The following CLTCL1 variants were observed in gnomAD, a reference collection of about 807,000 sequenced individuals.
The protein encoded by CLTCL1 is clathrin heavy chain 2.
A neutral mutation model predicts 190.0 loss-of-function variants in CLTCL1; 159 were observed. That is an observed-to-expected ratio of 0.84 (90% CI 0.74 to 0.95). CLTCL1 has a LOEUF of 0.95. Ranked by LOEUF, CLTCL1 falls within the 40% of genes least tolerant of loss-of-function variation. The pLI, the probability that CLTCL1 is intolerant of heterozygous loss-of-function variation, is 0.00. For synonymous variants in CLTCL1, 752 were observed against 769.6 expected, an observed-to-expected ratio of 0.98 and a Z score of 0.38; for missense variants, 1,878 against 2,033.4, an observed-to-expected ratio of 0.92 and a Z score of 1.47.
At chr22:19,196,688 G>A (rs947361135) in intron 24 of CLTCL1, 32 bp from the exon 25 acceptor site, 29 of 1,592,098 alleles carry the variant, frequency 1.8e-5, no homozygotes, top group Non-Finnish European at 2.5e-5. Context: ...GTGGGGCAGA[G>A]TGATTGCATG....
At chr22:19,201,688 C>T (rs1057104337) in intron 22 of CLTCL1, among the ~76,000 whole-genome samples, 195 bp from the exon 23 acceptor site, 3 of 152,084 alleles carry the variant, frequency 2.0e-5, no homozygotes, top group Non-Finnish European at 2.9e-5. Flanking sequence ...CCTCAGGGGG[C>T]GCTTCTACCT....
intron 3 of CLTCL1, among the ~76,000 whole-genome samples, chr22:19,252,922 G>A (rs1220129349): frequency 6.6e-6 from 1 of 151,080 alleles, no homozygotes; most frequent in Non-Finnish European, 1.5e-5. Context: ...GCTGAGGCAG[G>A]AGAATGGCAT....
At chr22:19,184,514 C>T (rs782262055) in intron 29 of CLTCL1, 111 of 455,988 alleles carry the variant, frequency 2.4e-4, no homozygotes, top group Admixed American at 4.9e-4. Context: ...TCATCGATCG[C>T]TGCCTCCTGA....
chr22:19,188,102 G>A lies in CLTCL1; in HGVS notation c.4324-11C>T. 1 of 1,613,532 alleles carries A rather than the reference G, an allele frequency of 6.2e-7. No homozygotes were observed. The highest frequency in any genetic ancestry group is 8.5e-7 in the Non-Finnish European group (1 of 1,179,466). On this transcript the variant is annotated splice_polypyrimidine_tract_variant and intron_variant, in intron 27 of 32. Transcript: ENST00000427926. ...GGGCAGCTGACCTGCCTGACAAGTT[G>A]AGGGAACCGTCAAGGCACTTGGCCA...
At chr22:19,229,811 C>T in intron 11 of CLTCL1, 27 bp downstream of exon 11, 1 of 1,577,104 alleles carries the variant, frequency 6.3e-7, no homozygotes. Context: ...TGCTCTGCCT[C>T]TCGGTGTTAG....
intron 2 of CLTCL1, among the ~76,000 whole-genome samples, chr22:19,254,443 G>C (rs548010573): frequency 2.6e-5 from 4 of 152,166 alleles, no homozygotes; most frequent in Non-Finnish European, 1.5e-5. Flanking sequence ...TTCTTCAGAG[G>C]AATGTAAAAG....
chr22:19,183,540 C>T lies in CLTCL1; in HGVS notation c.4677G>A (p.Glu1559=). 1 of 1,613,818 alleles carries T rather than the reference C, an allele frequency of 6.2e-7. No individual in the cohort carries two copies. Among genetic ancestry groups the T allele is most frequent in the East Asian group, 2.2e-5 (1 of 44,882 alleles). ...CTGCGAAGCACTCCCTCTTGCCTTC[C>T]TCCAGGAACCACTGCAGCAACTTCT... The part of the protein sequence containing the change: ...LAQKLLQWFL[E]EGKRECFAAC... The change falls in exon 30 of 33, where the codon GAG becomes GAA. Residue 1559 remains glutamate (E), a synonymous_variant. Transcript: ENST00000427926.
chr22:19,203,166 T>C (rs1461085469), intron 22 of CLTCL1, among the ~76,000 whole-genome samples: 1 of 151,854 alleles, frequency 6.6e-6, no homozygotes, highest in African/African-American at 2.4e-5. Flanking sequence ...AATAGAAAAA[T>C]TAGCTGAGCG....
At chr22:19,194,319 T>C (rs1046495819) in intron 26 of CLTCL1, among the ~76,000 whole-genome samples, 1 of 151,858 alleles carries the variant, frequency 6.6e-6, no homozygotes, top group Non-Finnish European at 1.5e-5. Flanking sequence ...CTGTATCTAT[T>C]AAAAATACAA....
chr22:19,234,295 T>C (rs1246314392), intron 7 of CLTCL1, among the ~76,000 whole-genome samples: 3 of 152,160 alleles, frequency 2.0e-5, no homozygotes, highest in African/African-American at 7.2e-5. Flanking sequence ...GCACACAAAG[T>C]GGGAGGCGTG....
At chr22:19,218,343 A>G (rs1601552994) in intron 18 of CLTCL1, among the ~76,000 whole-genome samples, 1 of 152,232 alleles carries the variant, frequency 6.6e-6, no homozygotes. Flanking sequence ...GTGTTGTTTA[A>G]TATTTTTATT....
At chr22:19,191,565 G>T in intron 26 of CLTCL1, 130 bp from the exon 27 acceptor site, 1 of 1,077,960 alleles carries the variant, frequency 9.3e-7, no homozygotes, top group Non-Finnish European at 1.3e-6. Flanking sequence ...AGACTCAATG[G>T]CCTGTGAAGG....
At chr22:19,271,400 A>G (rs1479389208) in intron 2 of CLTCL1, among the ~76,000 whole-genome samples, 1 of 151,766 alleles carries the variant, frequency 6.6e-6, no homozygotes, top group Non-Finnish European at 1.5e-5. Context: ...GTGTGTGGCT[A>G]CTCTGGACAC....
intron 3 of CLTCL1, among the ~76,000 whole-genome samples, chr22:19,248,451 A>C (rs1301317995): frequency 6.6e-6 from 1 of 152,156 alleles, no homozygotes; most frequent in Non-Finnish European, 1.5e-5. Context: ...CATACCATCC[A>C]ATGTTTCTTC....
intron 20 of CLTCL1, chr22:19,209,455 A>G: frequency 5.1e-6 from 1 of 196,330 alleles, no homozygotes; most frequent in Non-Finnish European, 1.0e-5. Context: ...ACTGTAAAAG[A>G]GTTCACAAGA....
chr22:19,221,823 C>T, intron 16 of CLTCL1, 128 bp downstream of exon 16: 1 of 1,086,224 alleles, frequency 9.2e-7, no homozygotes, highest in Non-Finnish European at 1.3e-6. Flanking sequence ...TAGCAAGTAA[C>T]TCATTGCTAC....
At chr22:19,183,651 C>A in intron 29 of CLTCL1, 40 bp from the exon 30 acceptor site, 4 of 1,602,818 alleles carry the variant, frequency 2.5e-6, no homozygotes, top group Non-Finnish European at 3.4e-6. Flanking sequence ...ATCCTGCAGG[C>A]AGAGGCTTTG....
At chr22:19,269,382 C>A (rs2793055) in intron 2 of CLTCL1, among the ~76,000 whole-genome samples, 2 of 151,814 alleles carry the variant, frequency 1.3e-5, no homozygotes, top group African/African-American at 2.4e-5. Context: ...CCTGGATGGG[C>A]GATAGAGTGA....
At chr22:19,194,592 C>A (rs1334888305) in intron 26 of CLTCL1, among the ~76,000 whole-genome samples, 1 of 152,170 alleles carries the variant, frequency 6.6e-6, no homozygotes, top group African/African-American at 2.4e-5. Flanking sequence ...GAAAGAAGCG[C>A]CCACCGGATG....
Sources: allele counts gnomAD v4.1 joint callset (sites outside exome capture counted in the v4.1 genomes callset), GRCh38; gene constraint gnomAD v4.1.1; transcripts MANE v1.5; gene names NCBI Gene and HGNC (gene_info 2026-07-23, HGNC 2026-07-21).